The following CHRNA7 variants were observed in gnomAD, a reference collection of about 807,000 sequenced individuals.
The protein encoded by CHRNA7 is neuronal acetylcholine receptor subunit alpha-7.
A neutral mutation model predicts 48.0 loss-of-function variants in CHRNA7; 17 were observed. That is an observed-to-expected ratio of 0.35 (90% confidence interval 0.24 to 0.53). CHRNA7 has a LOEUF of 0.53. Among genes scored for constraint, CHRNA7 ranks in the 20% least tolerant of loss-of-function variants. The pLI, the probability that CHRNA7 is intolerant of heterozygous loss-of-function variation, is 0.92. For synonymous variants in CHRNA7, 75 were observed against 242.3 expected (o/e 0.31, Z 6.41); for missense variants, 155 against 577.7 (o/e 0.27, Z 7.50).
chr15:32,170,432 T>G lies in CHRNA7; in HGVS notation c.*1974T>G, dbSNP rs1339912820. ...ACCATGCACAAGATTTTCGGTTTTT[T>G]TTTTTTTTTCTGTTACAGTGTCTTT... On this transcript the variant is annotated 3_prime_UTR_variant, in exon 10 of 10. Coordinates refer to ENST00000306901, the MANE Select transcript of CHRNA7 (RefSeq NM_000746.6). 2.6e-4 allele frequency: 40 copies of G among 151,026 alleles called. No homozygotes were observed. Among genetic ancestry groups the G allele is most frequent in the East Asian group, 9.6e-4 (5 of 5,182 alleles). The allele number at this position is 151,026 out of a possible 1,614,324, so 9.4% of individuals were successfully genotyped here.
intron 2 of CHRNA7, among the ~76,000 whole-genome samples, chr15:32,084,267 T>C (rs1209219467): frequency 6.6e-6 from 1 of 152,134 alleles, no homozygotes; most frequent in Non-Finnish European, 1.5e-5. Flanking sequence ...TAAGAATTGG[T>C]AGGAGGGGTT....
At chr15:32,065,209 A>G (rs2049944591) in intron 2 of CHRNA7, among the ~76,000 whole-genome samples, 1 of 152,324 alleles carries the variant, frequency 6.6e-6, no homozygotes, top group South Asian at 2.1e-4. Context: ...TCCTTCTCCC[A>G]TCTCCAGCTC....
intron 2 of CHRNA7, among the ~76,000 whole-genome samples, chr15:32,090,804 C>T (rs1021354323): frequency 6.6e-6 from 1 of 152,130 alleles, no homozygotes; most frequent in Admixed American, 6.5e-5. Flanking sequence ...GAAAAGTTGG[C>T]CAATTCTGGA....
chr15:32,132,413 C>T (rs1252995705), intron 4 of CHRNA7, among the ~76,000 whole-genome samples: 1 of 152,110 alleles, frequency 6.6e-6, no homozygotes, highest in East Asian at 1.9e-4. Context: ...TGACAGCCTT[C>T]TTATGTTTAT....
intron 2 of CHRNA7, among the ~76,000 whole-genome samples, chr15:32,049,972 C>T (rs1362761135): frequency 1.3e-5 from 2 of 152,142 alleles, no homozygotes; most frequent in Admixed American, 1.3e-4. Context: ...TGAATATTGG[C>T]CCCCACTCTC....
At chr15:32,151,628 T>G (rs181487308) in intron 4 of CHRNA7, among the ~76,000 whole-genome samples, 8 of 152,334 alleles carry the variant, frequency 5.3e-5, no homozygotes, top group Admixed American at 4.6e-4. Context: ...ATCTCTGTGA[T>G]TTCTATCAGC....
At chr15:32,048,831 A>C (rs1334145408) in intron 2 of CHRNA7, among the ~76,000 whole-genome samples, 1 of 150,656 alleles carries the variant, frequency 6.6e-6, no homozygotes, top group Non-Finnish European at 1.5e-5. Context: ...CCCTGTAGAC[A>C]CTGCTTTGAA....
intron 3 of CHRNA7, among the ~76,000 whole-genome samples, chr15:32,108,837 A>T (rs1316095504): frequency 6.6e-6 from 1 of 152,034 alleles, no homozygotes; most frequent in Non-Finnish European, 1.5e-5. Context: ...ATCTCATCTC[A>T]TCCTGTGAGG....
chr15:32,097,369 G>A (rs2050489162), intron 2 of CHRNA7, among the ~76,000 whole-genome samples: 1 of 152,090 alleles, frequency 6.6e-6, no homozygotes, highest in Non-Finnish European at 1.5e-5. Context: ...CCAAGGCGAT[G>A]GTATTAGGAG....
intron 3 of CHRNA7, among the ~76,000 whole-genome samples, chr15:32,109,569 A>T (rs1027284473): frequency 3.3e-5 from 5 of 152,356 alleles, no homozygotes; most frequent in African/African-American, 1.2e-4. Context: ...GGAAAACAGC[A>T]GATGGGCAGC....
intron 4 of CHRNA7, among the ~76,000 whole-genome samples, chr15:32,130,954 G>C (rs529980867): frequency 2.0e-5 from 3 of 151,970 alleles, no homozygotes; most frequent in African/African-American, 7.3e-5. Flanking sequence ...TGAGTGTACA[G>C]TAAGTTATTT....
intron 2 of CHRNA7, among the ~76,000 whole-genome samples, chr15:32,086,403 T>C (rs1038884053): frequency 5.9e-5 from 9 of 151,964 alleles, no homozygotes; most frequent in Non-Finnish European, 1.0e-4. Flanking sequence ...TAAACACTTT[T>C]ATTTTTCAAG....
At chr15:32,132,479 T>G (rs949367741) in intron 4 of CHRNA7, among the ~76,000 whole-genome samples, 2 of 152,236 alleles carry the variant, frequency 1.3e-5, no homozygotes, top group Admixed American at 1.3e-4. Context: ...TAATGATTAC[T>G]CAGGTCAGCC....
At chr15:32,151,253 GTACTTTAACA>G (rs2051622313) in intron 4 of CHRNA7, among the ~76,000 whole-genome samples, 1 of 152,028 alleles carries the variant, frequency 6.6e-6, no homozygotes, top group African/African-American at 2.4e-5. Flanking sequence ...TCTGTCCTCA[GTACTTTAACA>G]TCTTGCTGGG....
intron 4 of CHRNA7, among the ~76,000 whole-genome samples, chr15:32,141,373 T>G (rs2051375412): frequency 6.6e-6 from 1 of 152,238 alleles, no homozygotes; most frequent in South Asian, 2.1e-4. Flanking sequence ...CCAGCTTTGT[T>G]GTTTTTGCTT....
At chr15:32,101,491 C>A (rs2050572361) in intron 3 of CHRNA7, 144 bp downstream of exon 3, 4 of 772,496 alleles carry the variant, frequency 5.2e-6, no homozygotes, top group South Asian at 1.9e-5. Flanking sequence ...GCTGTCACAC[C>A]AACTCCACAC....
At chr15:32,043,837 C>T (rs1566797519) in intron 2 of CHRNA7, among the ~76,000 whole-genome samples, 1 of 152,158 alleles carries the variant, frequency 6.6e-6, no homozygotes, top group African/African-American at 2.4e-5. Context: ...GCCCTTTAGA[C>T]TTCTCTTTCT....
intron 2 of CHRNA7, among the ~76,000 whole-genome samples, chr15:32,086,498 T>C (rs942478933): frequency 3.3e-5 from 5 of 152,166 alleles, no homozygotes; most frequent in Non-Finnish European, 5.9e-5. Context: ...CCTGTGAGTA[T>C]CCTCTTGCAT....
chr15:32,048,916 T>G (rs900648552), intron 2 of CHRNA7, among the ~76,000 whole-genome samples: 3 of 150,078 alleles, frequency 2.0e-5, no homozygotes, highest in African/African-American at 5.0e-5. Context: ...TCTGCCTTCA[T>G]TTCGTTATGT....
Sources: gnomAD v4.1 joint callset for allele counts (sites outside exome capture counted in the v4.1 genomes callset) on GRCh38, gnomAD v4.1.1 for gene constraint, MANE v1.5 for transcripts, NCBI Gene and HGNC (gene_info 2026-07-23, HGNC 2026-07-21) for gene names.